The following BTBD10 variants were observed in gnomAD, a reference collection of about 807,000 sequenced individuals.
BTBD10 encodes BTB/POZ domain-containing protein 10.
In BTBD10, 21 loss-of-function variants were observed where a neutral mutation model predicts 53.2. That is an observed-to-expected ratio of 0.39 (90% CI 0.28 to 0.57). BTBD10 has a LOEUF of 0.57. BTBD10 is among the 20% of genes least tolerant of loss of function. BTBD10 has a pLI of 0.53. For synonymous variants in BTBD10, 149 were observed against 192.7 expected, an observed-to-expected ratio of 0.77 and a Z score of 1.88; for missense variants, 360 against 594.7, an observed-to-expected ratio of 0.61 and a Z score of 4.10.
At chr11:13,458,546 T>A in intron 1 of BTBD10, among the ~76,000 whole-genome samples, 1 of 152,236 alleles carries the variant, frequency 6.6e-6, no homozygotes, top group Non-Finnish European at 1.5e-5. Context: ...TCAGCTGTCT[T>A]ACTGCCTGCC....
In BTBD10 at chr11:13,450,129, A is replaced by T. The variant is rs376143015; in HGVS notation, c.-57-4948T>A. ...GAGGGGGAATAGTGAAGAGGATAGA[A>T]TTACATAGTGATCCCAGAATCAGAC... On this transcript the variant is annotated intron_variant, in intron 1 of 8. Coordinates refer to ENST00000278174, the MANE Select transcript of BTBD10 (RefSeq NM_032320.7). 5.1e-4 allele frequency among the ~76,000 whole-genome samples: 77 copies of T among 152,342 alleles called. 1 individual carries two copies. In the South Asian group the frequency reaches 0.016, roughly 31 times the overall value.
intron 2 of BTBD10, among the ~76,000 whole-genome samples, chr11:13,442,984 T>C (rs1031499693): frequency 3.9e-5 from 6 of 152,272 alleles, no homozygotes; most frequent in South Asian, 2.1e-4. Flanking sequence ...ACAGACTTCA[T>C]AGTCTTTGCA....
At chr11:13,446,277 A>G (rs1017439037) in intron 1 of BTBD10, among the ~76,000 whole-genome samples, 2 of 152,160 alleles carry the variant, frequency 1.3e-5, no homozygotes, top group South Asian at 2.1e-4. Flanking sequence ...GTTGTACATA[A>G]AAGTCAAAGG....
intron 8 of BTBD10, 115 bp downstream of exon 8, chr11:13,403,053 T>A: frequency 1.5e-6 from 1 of 665,408 alleles, no homozygotes; most frequent in Non-Finnish European, 2.5e-6. Context: ...CATGTGGTAA[T>A]CATTTGTCAG....
At chr11:13,431,356 C>T (rs561345689) in intron 2 of BTBD10, among the ~76,000 whole-genome samples, 1 of 152,240 alleles carries the variant, frequency 6.6e-6, no homozygotes, top group East Asian at 1.9e-4. Context: ...AGTAAACTTA[C>T]CACAAAAGCC....
chr11:13,388,986 T>C lies in BTBD10; in HGVS notation c.1273A>G (p.Ile425Val), dbSNP rs747382392. The C allele has an allele frequency of 5.6e-6, 9 of 1,614,182 alleles. No homozygotes were observed. Among genetic ancestry groups the C allele is most frequent in the East Asian group, 2.2e-5 (1 of 44,888 alleles). Residue 425 changes from isoleucine (I) to valine (V), a missense_variant, in exon 9 of 9, where the codon ATC becomes GTC. Physicochemically the swap from Ile to Val is conservative, Grantham distance 29. This residue lies in a region of BTBD10 where 52 missense variants were observed against 180.4 expected (regional missense o/e 0.29). Transcript: ENST00000278174. ...VDFQCVKSKS[I>V]TNLAAAAADI... ...GCTGCAGCTGCTGCAAGATTGGTGA[T>C]AGATTTACTCTTTACACACTGAAAG...
chr11:13,415,517 A>C (rs1292716582), intron 5 of BTBD10, among the ~76,000 whole-genome samples: 4 of 151,820 alleles, frequency 2.6e-5, no homozygotes, highest in African/African-American at 9.7e-5. Flanking sequence ...CTCCCCAGTA[A>C]ATACAAAGGG....
intron 6 of BTBD10, among the ~76,000 whole-genome samples, chr11:13,407,416 TCTCTAA>T (rs775046165): frequency 1.3e-4 from 20 of 152,082 alleles, no homozygotes; most frequent in Non-Finnish European, 2.6e-4. Context: ...TAACTTACCG[TCTCTAA>T]CTCTCTCCAC....
intron 8 of BTBD10, among the ~76,000 whole-genome samples, chr11:13,393,082 G>A (rs1341330168): frequency 6.6e-6 from 1 of 152,174 alleles, no homozygotes; most frequent in Non-Finnish European, 1.5e-5. Context: ...TGGTGGAATT[G>A]TGGTGTGGAG....
intron 2 of BTBD10, among the ~76,000 whole-genome samples, chr11:13,429,021 C>A (rs1423462302): frequency 1.3e-5 from 2 of 151,518 alleles, no homozygotes; most frequent in Non-Finnish European, 2.9e-5. Flanking sequence ...ACAAATAACA[C>A]CAAAACCTGA....
At position 13,428,104 on chromosome 11, in the gene BTBD10, G is replaced by A. The variant is rs1478643710; in HGVS notation, c.102-6266C>T. On this transcript the variant is annotated intron_variant, in intron 2 of 8. Transcript: ENST00000278174. ...ACCCAGACTGCTTGGGACAAAAATC[G>A]AGAAGATACAAACTACCAATGTCAG... Among the ~76,000 whole-genome samples, 4 of 151,922 alleles carry A rather than the reference G, an allele frequency of 2.6e-5. No individual in the cohort carries two copies. In the East Asian group the frequency reaches 7.7e-4, roughly 29 times the overall value.
chr11:13,442,312 G>A (rs1950669809), intron 2 of BTBD10, among the ~76,000 whole-genome samples: 1 of 152,048 alleles, frequency 6.6e-6, no homozygotes, highest in African/African-American at 2.4e-5. Flanking sequence ...ATGAATACCA[G>A]GGGTTCATTA....
chr11:13,416,641 T>C (rs1405573799), intron 5 of BTBD10, among the ~76,000 whole-genome samples: 2 of 152,166 alleles, frequency 1.3e-5, no homozygotes, highest in Non-Finnish European at 2.9e-5. Context: ...CTGAAGGTCA[T>C]AAAATTCATT....
At chr11:13,460,219 T>C (rs550543790) in intron 1 of BTBD10, among the ~76,000 whole-genome samples, 1 of 152,322 alleles carries the variant, frequency 6.6e-6, no homozygotes, top group South Asian at 2.1e-4. Context: ...ATGTAGTCTC[T>C]GCACAAGTTA....
intron 2 of BTBD10, among the ~76,000 whole-genome samples, chr11:13,427,218 A>AAAT (rs148046559): frequency 0.16 from 23,812 of 151,456 alleles, 2,022 homozygotes; most frequent in Admixed American, 0.24. Context: ...CCCTGTCTTA[A>AAAT]AATAATAATA....
chr11:13,434,033 T>C (rs1341277020), intron 2 of BTBD10, among the ~76,000 whole-genome samples: 1 of 152,210 alleles, frequency 6.6e-6, no homozygotes, highest in African/African-American at 2.4e-5. Flanking sequence ...AGATCACCTG[T>C]AAGTCTGTTG....
intron 1 of BTBD10, among the ~76,000 whole-genome samples, chr11:13,461,046 T>C (rs1052291355): frequency 6.6e-6 from 1 of 152,202 alleles, no homozygotes; most frequent in Non-Finnish European, 1.5e-5. Context: ...CTACTATAAC[T>C]ATACTTAAAG....
intron 1 of BTBD10, among the ~76,000 whole-genome samples, chr11:13,453,396 CCT>C (rs1317521160): frequency 1.3e-4 from 19 of 151,998 alleles, no homozygotes; most frequent in African/African-American, 4.1e-4. Flanking sequence ...AAACTAGTTG[CCT>C]CTGAGAAAAT....
chr11:13,392,424 C>A (rs1251017303), intron 8 of BTBD10, among the ~76,000 whole-genome samples: 1 of 152,020 alleles, frequency 6.6e-6, no homozygotes, highest in Non-Finnish European at 1.5e-5. Context: ...ACATGTATGA[C>A]TGGAGCAGAA....
Sources: gnomAD v4.1 joint callset for allele counts (sites outside exome capture counted in the v4.1 genomes callset) on GRCh38, gnomAD v4.1.1 for gene constraint, gnomAD v4.1.1 regional missense constraint, MANE v1.5 for transcripts, NCBI Gene and HGNC (gene_info 2026-07-23, HGNC 2026-07-21) for gene names.